Variants in STAM2 observed in about 807,000 individuals in gnomAD.
STAM2 encodes the protein signal transducing adaptor molecule 2.
A neutral mutation model predicts 65.6 loss-of-function variants in STAM2; 51 were observed. That is an observed-to-expected ratio of 0.78 (90% CI 0.62 to 0.98). The LOEUF (loss-of-function observed/expected upper bound fraction) is 0.98, where lower values mean the gene tolerates loss of function less well. Among genes scored for constraint, STAM2 ranks in the 50% least tolerant of loss-of-function variants. STAM2 has a pLI of 0.00. For synonymous variants in STAM2, 198 were observed against 208.4 expected (o/e 0.95, Z 0.43); for missense variants, 584 against 617.8 (o/e 0.95, Z 0.58).
intron 1 of STAM2, among the ~76,000 whole-genome samples, chr2:152,167,821 A>G (rs537115436): frequency 6.6e-6 from 1 of 152,188 alleles, no homozygotes; most frequent in African/African-American, 2.4e-5. Flanking sequence ...GAGGTAGGAG[A>G]ATTGCTTGAA....
intron 1 of STAM2, 140 bp downstream of exon 1, chr2:152,175,463 G>A: frequency 8.9e-7 from 1 of 1,124,544 alleles, no homozygotes. Flanking sequence ...TCCCAACGTC[G>A]AAGGAGCGGG....
chr2:152,123,242 C>T (rs1259891218), intron 13 of STAM2, among the ~76,000 whole-genome samples: 4 of 151,944 alleles, frequency 2.6e-5, no homozygotes, highest in South Asian at 2.1e-4. Flanking sequence ...CATGGTGGCG[C>T]GTGCCTGTAA....
intron 1 of STAM2, among the ~76,000 whole-genome samples, chr2:152,169,919 T>A (rs954383542): frequency 1.3e-5 from 2 of 150,810 alleles, no homozygotes; most frequent in African/African-American, 4.9e-5. Flanking sequence ...AGTGGCACAA[T>A]CTCCGCCTCC....
At chr2:152,167,357 T>C (rs1351439794) in intron 1 of STAM2, among the ~76,000 whole-genome samples, 1 of 151,934 alleles carries the variant, frequency 6.6e-6, no homozygotes, top group Non-Finnish European at 1.5e-5. Flanking sequence ...ATTAAGAAAA[T>C]AACGCTAAAG....
At chr2:152,158,224 C>T (rs1475945644) in intron 1 of STAM2, among the ~76,000 whole-genome samples, 1 of 152,164 alleles carries the variant, frequency 6.6e-6, no homozygotes, top group African/African-American at 2.4e-5. Context: ...TACCTGTAAT[C>T]CCAGCACTTT....
At chr2:152,125,093 C>G (rs1162297946) in intron 12 of STAM2, among the ~76,000 whole-genome samples, 1 of 152,046 alleles carries the variant, frequency 6.6e-6, no homozygotes, top group East Asian at 1.9e-4. Flanking sequence ...GGCAAATAAC[C>G]CTTTACAGAC....
At chr2:152,172,330 A>C (rs1369818552) in intron 1 of STAM2, among the ~76,000 whole-genome samples, 1 of 152,092 alleles carries the variant, frequency 6.6e-6, no homozygotes, top group African/African-American at 2.4e-5. Flanking sequence ...GCCTGCTTCC[A>C]TTTGACAAGT....
At position 152,119,427 on chromosome 2, in the gene STAM2, C is replaced by G. The variant is rs1688808646; in HGVS notation, c.*1147G>C. 6.6e-6 allele frequency: 1 copy of G among 152,188 alleles called. No individual in the cohort carries two copies. The highest frequency in any genetic ancestry group is 2.1e-4 in the South Asian group (1 of 4,836). The allele number at this position is 152,188 out of a possible 1,614,324, so 9.4% of individuals were successfully genotyped here. ...TTATTCCACAGGCTGAGAATTACTT[C>G]TGAAAGAAATGGTCAATTTTTTCAA... On this transcript the variant is annotated 3_prime_UTR_variant, in exon 14 of 14. Transcript: ENST00000263904.
chr2:152,139,908 T>TTACATTG (rs1331982239), intron 7 of STAM2, among the ~76,000 whole-genome samples: 1 of 152,198 alleles, frequency 6.6e-6, no homozygotes, highest in Non-Finnish European at 1.5e-5. Flanking sequence ...TGCATAGCAT[T>TTACATTG]TACATTGTAT....
At chr2:152,124,002 A>G in intron 12 of STAM2, 67 bp from the exon 13 acceptor site, 1 of 1,323,898 alleles carries the variant, frequency 7.6e-7, no homozygotes, top group Non-Finnish European at 1.1e-6. Flanking sequence ...TATATTTAAA[A>G]TGTTAAAAGA....
intron 1 of STAM2, among the ~76,000 whole-genome samples, chr2:152,161,056 G>T (rs190715472): frequency 6.6e-6 from 1 of 152,234 alleles, no homozygotes; most frequent in African/African-American, 2.4e-5. Context: ...GGAATAGAAG[G>T]GGGGGAAAGG....
At chr2:152,133,903 CAT>C (rs1689108113) in intron 8 of STAM2, among the ~76,000 whole-genome samples, 1 of 152,092 alleles carries the variant, frequency 6.6e-6, no homozygotes, top group African/African-American at 2.4e-5. Context: ...TAGCTAATTT[CAT>C]AGTTACATCT....
intron 1 of STAM2, among the ~76,000 whole-genome samples, chr2:152,162,971 T>C (rs1464555998): frequency 6.6e-6 from 1 of 152,184 alleles, no homozygotes. Context: ...AGAAAATTAT[T>C]AAATAACTAG....
At chr2:152,149,702 TGGCCA>T (rs1193067530) in intron 2 of STAM2, among the ~76,000 whole-genome samples, 1 of 152,146 alleles carries the variant, frequency 6.6e-6, no homozygotes, top group Non-Finnish European at 1.5e-5. Context: ...TTCACCATGT[TGGCCA>T]GGCTGGTTTC....
At chr2:152,137,228 A>G (rs1392995218) in intron 7 of STAM2, among the ~76,000 whole-genome samples, 1 of 152,154 alleles carries the variant, frequency 6.6e-6, no homozygotes, top group African/African-American at 2.4e-5. Context: ...AATGTTCCCT[A>G]GAATGGCTGT....
intron 1 of STAM2, among the ~76,000 whole-genome samples, chr2:152,171,486 T>C (rs182712797): frequency 1.1e-3 from 172 of 152,366 alleles, no homozygotes; most frequent in Non-Finnish European, 1.8e-3. Flanking sequence ...TGTTATAAAT[T>C]TGTGTGTATG....
At position 152,118,831 on chromosome 2, in the gene STAM2, T is replaced by C. The variant is rs1432909346; in HGVS notation, c.*1743A>G. On this transcript the variant is annotated 3_prime_UTR_variant, in exon 14 of 14. Coordinates refer to ENST00000263904, the MANE Select transcript of STAM2 (RefSeq NM_005843.6). ...AAAATACTGAATAAAAAACAGAACA[T>C]GAGATATTAAAGGTTAAAACTTTCT... 1 of 151,852 alleles carries C rather than the reference T, an allele frequency of 6.6e-6. No individual in the cohort carries two copies. Among genetic ancestry groups the C allele is most frequent in the Non-Finnish European group, 1.5e-5 (1 of 67,900 alleles). The allele number at this position is 151,852 out of a possible 1,614,324, so 9.4% of individuals were successfully genotyped here. A position where few individuals can be genotyped will look rare whatever the true frequency, so the allele number is the denominator to read the frequency against.
chr2:152,161,333 C>A (rs1194824990), intron 1 of STAM2, among the ~76,000 whole-genome samples: 1 of 150,820 alleles, frequency 6.6e-6, no homozygotes, highest in African/African-American at 2.4e-5. Flanking sequence ...ACTCCCTAAT[C>A]TCAAGTACCC....
chr2:152,147,232 A>T lies in STAM2; in HGVS notation c.377T>A (p.Phe126Tyr). The change falls in exon 5 of 14, where the codon TTT becomes TAT. Residue 126 changes from phenylalanine to tyrosine, a missense_variant. Physicochemically the swap from Phe to Tyr is conservative, Grantham distance 22. Coordinates refer to ENST00000263904, the MANE Select transcript of STAM2 (RefSeq NM_005843.6). ...TTTAATAGTTGCAGATATCAGACTA[A>T]ACTGAGGGTCCTTCTGAAATTCTTC... ...WSEEFQKDPQFSLISATIKSM... is the reference protein window; with the variant it reads ...WSEEFQKDPQYSLISATIKSM... 1.2e-6 allele frequency: 2 copies of T among 1,612,498 alleles called. No individual in the cohort carries two copies. Among genetic ancestry groups the T allele is most frequent in the Non-Finnish European group, 1.7e-6 (2 of 1,179,398 alleles).
Sources: gnomAD v4.1 joint callset for allele counts (sites outside exome capture counted in the v4.1 genomes callset) on GRCh38, gnomAD v4.1.1 for gene constraint, MANE v1.5 for transcripts, NCBI Gene and HGNC (gene_info 2026-07-23, HGNC 2026-07-21) for gene names.